IGBP1C: variants seen among roughly 807,000 people sequenced by gnomAD.
The protein encoded by IGBP1C is IGBP1 family member C.
chr17:58,662,194 G>A, the IGBP1C span, among the ~76,000 whole-genome samples: 1 of 151,106 alleles, frequency 6.6e-6, no homozygotes, highest in East Asian at 2.0e-4. Flanking sequence ...GCTCACTCCT[G>A]TAATCCCCCA....
At chr17:58,683,037 T>A in the IGBP1C span, among the ~76,000 whole-genome samples, 354 of 112,822 alleles carry the variant, frequency 3.1e-3, no homozygotes, top group African/African-American at 0.012. Context: ...TGGGCGACAG[T>A]GCGAGAGTCT....
the IGBP1C span, among the ~76,000 whole-genome samples, chr17:58,690,697 G>A: frequency 6.6e-6 from 1 of 152,160 alleles, no homozygotes; most frequent in Non-Finnish European, 1.5e-5. Flanking sequence ...TAAGCAATGG[G>A]TTGAGTGGCC....
chr17:58,676,237 G>A, the IGBP1C span, among the ~76,000 whole-genome samples: 26 of 152,076 alleles, frequency 1.7e-4, no homozygotes, highest in Non-Finnish European at 3.2e-4. Flanking sequence ...TTAGCCAGGC[G>A]TGGTGGCAGG....
At chr17:58,683,052 CAA>C in the IGBP1C span, among the ~76,000 whole-genome samples, 25 of 54,030 alleles carry the variant, frequency 4.6e-4, no homozygotes, top group African/African-American at 1.4e-3. Context: ...GAGTCTGTCT[CAA>C]AAAAAAAAAA....
the IGBP1C span, among the ~76,000 whole-genome samples, chr17:58,667,948 G>T: frequency 6.6e-6 from 1 of 151,798 alleles, no homozygotes; most frequent in African/African-American, 2.4e-5. Context: ...CCTTATTCAG[G>T]CTTCTGAACC....
At chr17:58,662,848 G>C in the IGBP1C span, among the ~76,000 whole-genome samples, 3 of 152,112 alleles carry the variant, frequency 2.0e-5, no homozygotes, top group East Asian at 3.8e-4. Flanking sequence ...GACCGGGCGC[G>C]GTGGCTCACG....
chr17:58,670,503 G>A, the IGBP1C span, among the ~76,000 whole-genome samples: 2 of 151,966 alleles, frequency 1.3e-5, no homozygotes, highest in East Asian at 1.9e-4. Flanking sequence ...GCCAGGAGCC[G>A]TGGCTCACGC....
At chr17:58,677,889 C>T in the IGBP1C span, among the ~76,000 whole-genome samples, 2 of 152,322 alleles carry the variant, frequency 1.3e-5, no homozygotes, top group Non-Finnish European at 2.9e-5. Flanking sequence ...CGGTGGCTCA[C>T]GCCTGTAATC....
the IGBP1C span, among the ~76,000 whole-genome samples, chr17:58,668,649 A>C: frequency 0.049 from 7,388 of 152,270 alleles, 377 homozygotes; most frequent in African/African-American, 0.13. Flanking sequence ...AGTGGTAGAG[A>C]AGGAATTAAA....
At chr17:58,660,553 C>T in the IGBP1C span, 3 of 775,350 alleles carry the variant, frequency 3.9e-6, no homozygotes, top group South Asian at 1.4e-5. Flanking sequence ...GTGCACCCTG[C>T]AGTCCTGCGG....
the IGBP1C span, among the ~76,000 whole-genome samples, chr17:58,681,954 T>A: frequency 6.6e-6 from 1 of 152,162 alleles, no homozygotes; most frequent in East Asian, 1.9e-4. Flanking sequence ...AAACAATTCT[T>A]ACAACCAAAA....
chr17:58,680,567 C>A, the IGBP1C span, among the ~76,000 whole-genome samples: 2 of 152,008 alleles, frequency 1.3e-5, no homozygotes, highest in Non-Finnish European at 2.9e-5. Flanking sequence ...CATGGTAAAA[C>A]CCTATCTCTA....
chr17:58,661,920 A>AC, the IGBP1C span: 1 of 215,936 alleles, frequency 4.6e-6, no homozygotes, highest in Admixed American at 5.7e-5. Flanking sequence ...AAATGCAGCT[A>AC]CCCCCAACCC....
the IGBP1C span, among the ~76,000 whole-genome samples, chr17:58,674,429 G>A: frequency 1.3e-5 from 2 of 152,286 alleles, 1 homozygote; most frequent in South Asian, 4.1e-4. Context: ...TAGCACTACA[G>A]GAGGCCAAGG....
the IGBP1C span, among the ~76,000 whole-genome samples, chr17:58,674,839 GAAAA>G: frequency 8.1e-6 from 1 of 123,398 alleles, no homozygotes; most frequent in Non-Finnish European, 1.7e-5. Flanking sequence ...GAGGCCTTTG[GAAAA>G]AAAAAAAAAA....
chr17:58,680,127 T>G, the IGBP1C span, among the ~76,000 whole-genome samples: 3 of 152,122 alleles, frequency 2.0e-5, no homozygotes, highest in African/African-American at 7.2e-5. Context: ...TTGCCCAGGC[T>G]GGGGTACAGT....
chr17:58,672,580 CGCGCCACCAG>C, the IGBP1C span, among the ~76,000 whole-genome samples: 1 of 151,896 alleles, frequency 6.6e-6, no homozygotes, highest in African/African-American at 2.4e-5. Flanking sequence ...ATTATAGGCA[CGCGCCACCAG>C]GCCCAGCTAA....
chr17:58,676,302 G>C, the IGBP1C span, among the ~76,000 whole-genome samples: 1 of 152,060 alleles, frequency 6.6e-6, no homozygotes, highest in Non-Finnish European at 1.5e-5. Context: ...CTTGAACCCT[G>C]GGGGCAGAGG....
chr17:58,672,996 T>C, the IGBP1C span, among the ~76,000 whole-genome samples: 2 of 151,698 alleles, frequency 1.3e-5, no homozygotes, highest in African/African-American at 4.8e-5. Flanking sequence ...ACTCCCAAAG[T>C]GCTGGGATTA....
Sources: allele counts gnomAD v4.1 joint callset (sites outside exome capture counted in the v4.1 genomes callset), GRCh38; gene constraint gnomAD v4.1.1; transcripts MANE v1.5; gene names NCBI Gene and HGNC (gene_info 2026-07-23, HGNC 2026-07-21).